Variants in PDE10A observed in about 807,000 individuals in gnomAD.
PDE10A encodes the protein phosphodiesterase 10A.
A neutral mutation model predicts 97.7 loss-of-function variants in PDE10A; 39 were observed. The ratio of observed to expected loss-of-function variants is 0.40; its 90% CI spans 0.31 to 0.52. The LOEUF (loss-of-function observed/expected upper bound fraction) is 0.52. PDE10A is among the 20% of genes least tolerant of loss of function. The pLI, the probability that PDE10A is intolerant of heterozygous loss-of-function variation, is 0.56. For synonymous variants in PDE10A, 371 were observed against 376.8 expected, an observed-to-expected ratio of 0.98 and a Z score of 0.18; for missense variants, 731 against 1,047.8, an observed-to-expected ratio of 0.70 and a Z score of 4.17.
chr6:165,731,621 G>A (rs1240675621), intron 1 of PDE10A, among the ~76,000 whole-genome samples: 2 of 152,160 alleles, frequency 1.3e-5, no homozygotes, highest in African/African-American at 4.8e-5. Context: ...GAGTGGCCAC[G>A]GGCTAGATTG....
chr6:165,849,052 A>G (rs1457716835), intron 1 of PDE10A, among the ~76,000 whole-genome samples: 2 of 152,250 alleles, frequency 1.3e-5, no homozygotes, highest in African/African-American at 2.4e-5. Context: ...TCCAGGCCAC[A>G]CTTCGACCAA....
intron 1 of PDE10A, among the ~76,000 whole-genome samples, chr6:165,672,744 T>C (rs1365043654): frequency 1.3e-5 from 2 of 152,188 alleles, no homozygotes; most frequent in Non-Finnish European, 2.9e-5. Flanking sequence ...CATGGAACCA[T>C]GAGTCCATTA....
At chr6:165,648,894 G>A (rs539436196) in intron 1 of PDE10A, among the ~76,000 whole-genome samples, 2 of 152,286 alleles carry the variant, frequency 1.3e-5, no homozygotes, top group African/African-American at 4.8e-5. Context: ...AAGGATTTAA[G>A]TGCTCCACAG....
At position 165,590,051 on chromosome 6, in the gene PDE10A, T is replaced by C. The variant is rs191041643; in HGVS notation, c.866-46483A>G. Among the ~76,000 whole-genome samples the C allele has an allele frequency of 1.7e-3, 254 of 152,366 alleles. 1 individual carries two copies. Among genetic ancestry groups the C allele is most frequent in the African/African-American group, 5.6e-3 (235 of 41,606 alleles). ...AAGTACAAAGGACAGCAGATGCTTCTGAATGTCACTTGAAAAATTTGGATT... is the reference window on the plus strand; with the variant it reads ...AAGTACAAAGGACAGCAGATGCTTCCGAATGTCACTTGAAAAATTTGGATT... On this transcript the variant is annotated intron_variant, in intron 1 of 21. Coordinates refer to ENST00000539869, the MANE Select transcript of PDE10A (RefSeq NM_001385079.1).
At chr6:165,462,393 G>C (rs982765707) in intron 3 of PDE10A, among the ~76,000 whole-genome samples, 6 of 152,192 alleles carry the variant, frequency 3.9e-5, no homozygotes, top group Non-Finnish European at 7.4e-5. Flanking sequence ...GACAGAAGCA[G>C]AACAACCGAT....
chr6:165,603,690 G>A lies in PDE10A; in HGVS notation c.865+58257C>T, dbSNP rs79872398. 5.2e-3 allele frequency among the ~76,000 whole-genome samples: 792 copies of A among 152,350 alleles called. 8 individuals carry two copies. Among genetic ancestry groups the A allele is most frequent in the African/African-American group, 0.017 (704 of 41,590 alleles). Reference sequence around the variant, plus strand: ...ATGCTCTGTGTCCTATGCGCAGAGCGACTTCACCACAGTCATGGGCACAAT... The same window carrying A: ...ATGCTCTGTGTCCTATGCGCAGAGCAACTTCACCACAGTCATGGGCACAAT... On this transcript the variant is annotated intron_variant, in intron 1 of 21. Coordinates refer to ENST00000539869, the MANE Select transcript of PDE10A (RefSeq NM_001385079.1).
intron 1 of PDE10A, among the ~76,000 whole-genome samples, chr6:165,642,717 G>C (rs543924567): frequency 4.0e-4 from 61 of 152,142 alleles, no homozygotes; most frequent in Non-Finnish European, 7.1e-4. Flanking sequence ...CTCTCAGGTG[G>C]GTGAACGCTA....
At chr6:165,968,263 A>T (rs1034819301) in intron 1 of PDE10A, among the ~76,000 whole-genome samples, 2 of 152,214 alleles carry the variant, frequency 1.3e-5, no homozygotes, top group African/African-American at 4.8e-5. Context: ...CCTATGCAAA[A>T]TGTCAGGTTT....
intron 1 of PDE10A, among the ~76,000 whole-genome samples, chr6:165,839,996 C>T (rs1289762688): frequency 4.3e-3 from 13 of 3,006 alleles, no homozygotes; most frequent in South Asian, 9.4e-3. Flanking sequence ...TCTCCAACTC[C>T]ATCCCATCTC....
At chr6:165,761,538 GC>G (rs1334487855) in intron 1 of PDE10A, among the ~76,000 whole-genome samples, 3 of 152,014 alleles carry the variant, frequency 2.0e-5, no homozygotes, top group Admixed American at 6.6e-5. Context: ...CAGAAGCCTG[GC>G]TTTTTCTTTA....
intron 1 of PDE10A, among the ~76,000 whole-genome samples, chr6:165,625,663 A>C (rs1788348289): frequency 6.6e-6 from 1 of 152,094 alleles, no homozygotes; most frequent in South Asian, 2.1e-4. Flanking sequence ...ATAGTGAATA[A>C]GTCTCACGAG....
At chr6:165,959,727 G>A (rs1784301345) in intron 1 of PDE10A, among the ~76,000 whole-genome samples, 2 of 152,116 alleles carry the variant, frequency 1.3e-5, no homozygotes, top group South Asian at 2.1e-4. Context: ...GACCTCCCGA[G>A]TAGGGTCTGA....
chr6:165,815,890 T>C (rs1779395859), intron 1 of PDE10A, among the ~76,000 whole-genome samples: 1 of 152,126 alleles, frequency 6.6e-6, no homozygotes, highest in African/African-American at 2.4e-5. Flanking sequence ...TCCCTGCAAC[T>C]GAGTTGCCTC....
chr6:165,484,604 G>A (rs1431750917), intron 2 of PDE10A, among the ~76,000 whole-genome samples: 2 of 152,150 alleles, frequency 1.3e-5, no homozygotes, highest in African/African-American at 2.4e-5. Context: ...ATTAACATTA[G>A]CAGAGAGGTT....
At chr6:165,714,484 C>A (rs1238685495) in intron 1 of PDE10A, among the ~76,000 whole-genome samples, 2 of 152,196 alleles carry the variant, frequency 1.3e-5, no homozygotes, top group Non-Finnish European at 2.9e-5. Context: ...AGACAGAGAT[C>A]GACACTCAGC....
At chr6:165,406,886 C>G (rs917742353) in intron 13 of PDE10A, among the ~76,000 whole-genome samples, 3 of 152,158 alleles carry the variant, frequency 2.0e-5, no homozygotes, top group Non-Finnish European at 4.4e-5. Context: ...TCTCCAGGAT[C>G]TCTGGCCTTT....
chr6:165,814,675 A>G (rs79153819), intron 1 of PDE10A, among the ~76,000 whole-genome samples: 3 of 152,080 alleles, frequency 2.0e-5, no homozygotes, highest in African/African-American at 7.2e-5. Flanking sequence ...ACATTCCTCA[A>G]TTTGGTGTTC....
chr6:165,961,244 A>C (rs915568786), intron 1 of PDE10A, among the ~76,000 whole-genome samples: 1 of 152,182 alleles, frequency 6.6e-6, no homozygotes, highest in Non-Finnish European at 1.5e-5. Context: ...AAAAACAAAT[A>C]GGATGTCACT....
intron 18 of PDE10A, among the ~76,000 whole-genome samples, chr6:165,352,413 T>G (rs1293934046): frequency 1.3e-5 from 2 of 152,108 alleles, no homozygotes; most frequent in African/African-American, 4.8e-5. Context: ...CTGACTGTCA[T>G]CCATCAACTA....
Sources: allele counts gnomAD v4.1 joint callset (sites outside exome capture counted in the v4.1 genomes callset), GRCh38; gene constraint gnomAD v4.1.1; transcripts MANE v1.5; gene names NCBI Gene and HGNC (gene_info 2026-07-23, HGNC 2026-07-21).